PAN3: variants seen among roughly 807,000 people sequenced by gnomAD.
The protein encoded by PAN3 is PAN2-PAN3 deadenylation complex subunit PAN3.
In PAN3, 19 loss-of-function variants were observed where a neutral mutation model predicts 96.2. The observed-to-expected ratio is 0.20, with a 90% CI of 0.14 to 0.29. The LOEUF (loss-of-function observed/expected upper bound fraction) is 0.29, where lower values mean the gene tolerates loss of function less well. Ranked by LOEUF, PAN3 falls within the 10% of genes least tolerant of loss-of-function variation. The probability of loss-of-function intolerance (pLI) is 1.00; values close to 1 mark genes in which losing one functional copy is unlikely to be tolerated. For synonymous variants in PAN3, 433 were observed against 406.6 expected (o/e 1.06, Z -0.78); for missense variants, 882 against 1,108.1 (o/e 0.80, Z 2.90).
intron 1 of PAN3, among the ~76,000 whole-genome samples, chr13:28,168,958 C>T (rs376932485): frequency 1.3e-5 from 2 of 150,922 alleles, no homozygotes; most frequent in African/African-American, 4.9e-5. Flanking sequence ...GTTGAACTTG[C>T]AGTGAGCCGA....
Position 28,292,654 on chromosome 13 carries a change from C to T in PAN3, c.*132C>T. On this transcript the variant is annotated 3_prime_UTR_variant, in exon 19 of 19. Transcript: ENST00000380958. The stretch of plus-strand genomic sequence containing the variant: ...GAGATGAGCAAAGCTGCTTGCACTT[C>T]AGTCAGGTACACTGTTACTTGAAAG... 1.3e-6 allele frequency: 1 copy of T among 772,622 alleles called. No individual in the cohort carries two copies. Among genetic ancestry groups the T allele is most frequent in the African/African-American group, 1.8e-5 (1 of 56,284 alleles). 47.9% of individuals were successfully genotyped at this position (772,622 alleles called of 1,614,324 possible).
intron 4 of PAN3, among the ~76,000 whole-genome samples, chr13:28,193,750 A>AC (rs1053157173): frequency 4.0e-5 from 6 of 149,494 alleles, no homozygotes; most frequent in South Asian, 4.3e-4. Context: ...AAAAAAAAAA[A>AC]AAAAAACCCA....
chr13:28,183,054 G>A (rs1430557060), intron 4 of PAN3, among the ~76,000 whole-genome samples: 1 of 152,090 alleles, frequency 6.6e-6, no homozygotes, highest in Non-Finnish European at 1.5e-5. Flanking sequence ...AAGTAAATTT[G>A]GAGAAATTAA....
intron 1 of PAN3, among the ~76,000 whole-genome samples, chr13:28,169,222 C>CTTTTTTTTTTTT (rs202200725): frequency 1.3e-4 from 10 of 74,990 alleles, no homozygotes; most frequent in African/African-American, 2.8e-4. Flanking sequence ...TTTTTGTTTG[C>CTTTTTTTTTTTT]TTTTTTTTTT....
intron 5 of PAN3, among the ~76,000 whole-genome samples, chr13:28,206,684 AT>A (rs1231323959): frequency 3.3e-5 from 5 of 150,470 alleles, no homozygotes; most frequent in Non-Finnish European, 5.9e-5. Context: ...ACAGTTGACC[AT>A]TCTTCTTTTT....
intron 6 of PAN3, among the ~76,000 whole-genome samples, chr13:28,236,945 GCTCT>G (rs1195465493): frequency 4.6e-5 from 7 of 152,172 alleles, no homozygotes; most frequent in African/African-American, 1.7e-4. Flanking sequence ...TTAAATATCA[GCTCT>G]CTAAAAGTGA....
chr13:28,218,913 C>T (rs1881094873), intron 5 of PAN3, among the ~76,000 whole-genome samples: 2 of 152,152 alleles, frequency 1.3e-5, no homozygotes, highest in Non-Finnish European at 2.9e-5. Flanking sequence ...ATCAAGATAT[C>T]AATGGCTTTT....
chr13:28,245,391 C>CTTT (rs541516738), intron 6 of PAN3, among the ~76,000 whole-genome samples: 4 of 144,300 alleles, frequency 2.8e-5, no homozygotes, highest in Admixed American at 6.9e-5. Flanking sequence ...AAGTGGGTTC[C>CTTT]TTTTTTTTTT....
intron 5 of PAN3, among the ~76,000 whole-genome samples, chr13:28,214,055 T>C (rs1011640838): frequency 2.6e-5 from 4 of 151,924 alleles, no homozygotes; most frequent in Non-Finnish European, 5.9e-5. Flanking sequence ...TCCAGTGCAC[T>C]CCAGCCTGGG....
At chr13:28,272,213 C>T in intron 14 of PAN3, 142 bp downstream of exon 14, 1 of 475,380 alleles carries the variant, frequency 2.1e-6, no homozygotes, top group Non-Finnish European at 3.7e-6. Context: ...ACATGTATCT[C>T]CCCCTCCCCT....
At chr13:28,147,708 T>C (rs1005436561) in intron 1 of PAN3, among the ~76,000 whole-genome samples, 22 of 152,188 alleles carry the variant, frequency 1.4e-4, no homozygotes, top group African/African-American at 4.8e-4. Flanking sequence ...ATCTGAAATA[T>C]GGTTTCTACT....
intron 9 of PAN3, among the ~76,000 whole-genome samples, chr13:28,263,359 G>A (rs916977230): frequency 1.3e-5 from 2 of 152,240 alleles, no homozygotes; most frequent in Non-Finnish European, 1.5e-5. Context: ...TATTGAGACA[G>A]CATCTTGCTG....
At chr13:28,270,947 A>T (rs1886573240) in intron 13 of PAN3, 81 bp downstream of exon 13, 1 of 1,341,018 alleles carries the variant, frequency 7.5e-7, no homozygotes, top group Admixed American at 2.1e-5. Flanking sequence ...GATTGTTTTA[A>T]TTCTGCCTTT....
At chr13:28,170,539 A>G (rs1367381441) in intron 1 of PAN3, among the ~76,000 whole-genome samples, 2 of 152,202 alleles carry the variant, frequency 1.3e-5, no homozygotes, top group African/African-American at 4.8e-5. Context: ...AAATTAATAA[A>G]CATAATAAAA....
intron 7 of PAN3, among the ~76,000 whole-genome samples, chr13:28,259,489 T>G (rs1233693927): frequency 6.6e-6 from 1 of 151,928 alleles, no homozygotes; most frequent in Admixed American, 6.6e-5. Context: ...GTATTTTTAG[T>G]AGAGACAGGT....
intron 7 of PAN3, among the ~76,000 whole-genome samples, chr13:28,259,314 T>C (rs1566236951): frequency 6.7e-6 from 1 of 149,612 alleles, no homozygotes; most frequent in Non-Finnish European, 1.5e-5. Flanking sequence ...TTTTTGTTGT[T>C]TTTTTTTTTG....
At chr13:28,220,183 T>C in intron 5 of PAN3, 48 bp from the exon 6 acceptor site, 1 of 1,561,466 alleles carries the variant, frequency 6.4e-7, no homozygotes, top group Non-Finnish European at 8.7e-7. Context: ...TTCAATGTCT[T>C]TTTTCGGCTT....
At chr13:28,153,876 T>G (rs1871729758) in intron 1 of PAN3, among the ~76,000 whole-genome samples, 1 of 152,236 alleles carries the variant, frequency 6.6e-6, no homozygotes, top group African/African-American at 2.4e-5. Context: ...ATACTTTATG[T>G]GACAAGTAAG....
intron 17 of PAN3, among the ~76,000 whole-genome samples, chr13:28,286,669 C>G (rs1418295309): frequency 6.6e-6 from 1 of 152,176 alleles, no homozygotes; most frequent in Non-Finnish European, 1.5e-5. Flanking sequence ...CTCTTGTTCA[C>G]TATTGTTGCT....
Sources: gnomAD v4.1 joint callset for allele counts (sites outside exome capture counted in the v4.1 genomes callset) on GRCh38, gnomAD v4.1.1 for gene constraint, MANE v1.5 for transcripts, NCBI Gene and HGNC (gene_info 2026-07-23, HGNC 2026-07-21) for gene names.